CNTLN: variants seen among roughly 807,000 people sequenced by gnomAD.
CNTLN encodes centlein.
Under a neutral mutation model 180.0 loss-of-function variants are expected in CNTLN, and 212 were observed. The ratio of observed to expected loss-of-function variants is 1.18; its 90% confidence interval spans 1.05 to 1.32. The LOEUF is 1.32. CNTLN is among the 40% of genes most tolerant of loss of function. The pLI is 0.00. For synonymous variants in CNTLN, 722 were observed against 563.1 expected (o/e 1.28, Z -3.99); for missense variants, 2,095 against 1,610.9 (o/e 1.30, Z -5.14).
intron 23 of CNTLN, among the ~76,000 whole-genome samples, chr9:17,480,103 A>G (rs893358568): frequency 1.3e-5 from 2 of 152,120 alleles, no homozygotes; most frequent in African/African-American, 2.4e-5. Flanking sequence ...AGACAGGATG[A>G]TCACTTGAGC....
intron 25 of CNTLN, among the ~76,000 whole-genome samples, chr9:17,494,217 A>G (rs1470843071): frequency 1.3e-5 from 2 of 152,216 alleles, no homozygotes; most frequent in Non-Finnish European, 2.9e-5. Flanking sequence ...TCTGTTTGCT[A>G]GATTTGCTAC....
At chr9:17,494,318 C>T (rs1158572010) in intron 25 of CNTLN, among the ~76,000 whole-genome samples, 2 of 152,156 alleles carry the variant, frequency 1.3e-5, no homozygotes, top group Non-Finnish European at 2.9e-5. Context: ...TGACAGACCA[C>T]ACTATACAAT....
At chr9:17,320,095 T>A (rs1819803812) in intron 8 of CNTLN, among the ~76,000 whole-genome samples, 1 of 152,230 alleles carries the variant, frequency 6.6e-6, no homozygotes, top group African/African-American at 2.4e-5. Flanking sequence ...TTTACTATAT[T>A]TATCTGTGAA....
chr9:17,269,065 C>T (rs1408230267), intron 5 of CNTLN, among the ~76,000 whole-genome samples: 14 of 152,122 alleles, frequency 9.2e-5, no homozygotes, highest in Admixed American at 5.2e-4. Context: ...CTGCCTGGCA[C>T]TCCCTAGTGA....
intron 8 of CNTLN, among the ~76,000 whole-genome samples, chr9:17,318,788 C>G (rs1197211039): frequency 6.6e-6 from 1 of 152,124 alleles, no homozygotes; most frequent in Non-Finnish European, 1.5e-5. Flanking sequence ...TGTCAATACT[C>G]TCTTTTTAGT....
chr9:17,397,067 C>T (rs991068270), intron 15 of CNTLN, among the ~76,000 whole-genome samples: 7 of 152,120 alleles, frequency 4.6e-5, no homozygotes, highest in African/African-American at 1.7e-4. Context: ...CTTGGTACTA[C>T]CACACTATTC....
At chr9:17,142,517 T>G (rs1361818688) in intron 1 of CNTLN, among the ~76,000 whole-genome samples, 1 of 152,132 alleles carries the variant, frequency 6.6e-6, no homozygotes, top group African/African-American at 2.4e-5. Context: ...TTATTGAATA[T>G]GCAGTTGGAG....
chr9:17,485,111 G>A (rs567227034), intron 24 of CNTLN, among the ~76,000 whole-genome samples: 1 of 152,184 alleles, frequency 6.6e-6, no homozygotes, highest in African/African-American at 2.4e-5. Flanking sequence ...CTCATACCAC[G>A]CAGTCTTTTG....
intron 18 of CNTLN, among the ~76,000 whole-genome samples, chr9:17,436,081 A>C (rs1419715546): frequency 3.3e-5 from 5 of 152,194 alleles, no homozygotes; most frequent in Non-Finnish European, 7.3e-5. Flanking sequence ...ACCTTTTTAC[A>C]TTATAAACAA....
At chr9:17,240,914 A>C (rs1351339472) in intron 5 of CNTLN, among the ~76,000 whole-genome samples, 1 of 152,082 alleles carries the variant, frequency 6.6e-6, no homozygotes, top group Non-Finnish European at 1.5e-5. Flanking sequence ...GCTGGAGTGC[A>C]GTGGCAAGAT....
intron 2 of CNTLN, among the ~76,000 whole-genome samples, chr9:17,191,978 C>G (rs749022263): frequency 6.6e-6 from 1 of 152,072 alleles, no homozygotes; most frequent in Non-Finnish European, 1.5e-5. Context: ...CTGAACTGTA[C>G]TAAGCTGTTT....
At chr9:17,379,890 C>G (rs1333273589) in intron 13 of CNTLN, among the ~76,000 whole-genome samples, 1 of 152,134 alleles carries the variant, frequency 6.6e-6, no homozygotes, top group Non-Finnish European at 1.5e-5. Flanking sequence ...ATACCTTAAG[C>G]CCCTACCATG....
intron 8 of CNTLN, among the ~76,000 whole-genome samples, chr9:17,314,584 A>G (rs554209869): frequency 2.0e-5 from 3 of 152,264 alleles, no homozygotes; most frequent in East Asian, 1.9e-4. Flanking sequence ...TTTCCCCTCA[A>G]TTTGTAGCTG....
chr9:17,178,123 C>T (rs1820847373), intron 2 of CNTLN, among the ~76,000 whole-genome samples: 1 of 151,406 alleles, frequency 6.6e-6, no homozygotes, highest in South Asian at 2.1e-4. Flanking sequence ...GGTGTATTTA[C>T]AATATCTTAG....
chr9:17,303,577 T>C (rs560758496), intron 7 of CNTLN, among the ~76,000 whole-genome samples: 1 of 152,232 alleles, frequency 6.6e-6, no homozygotes, highest in Admixed American at 6.5e-5. Context: ...AAAAATGTAG[T>C]AGTTGTGTAG....
At chr9:17,240,607 AT>A (rs1015320384) in intron 5 of CNTLN, among the ~76,000 whole-genome samples, 5 of 151,414 alleles carry the variant, frequency 3.3e-5, no homozygotes, top group African/African-American at 4.8e-5. Context: ...AGATAATTAG[AT>A]TTTTTTTTCA....
At chr9:17,435,890 T>G (rs1207283865) in intron 18 of CNTLN, among the ~76,000 whole-genome samples, 1 of 152,100 alleles carries the variant, frequency 6.6e-6, no homozygotes, top group South Asian at 2.1e-4. Flanking sequence ...ACGGGCACAC[T>G]TCCCATCTGA....
At chr9:17,522,809 C>T in the CNTLN span, among the ~76,000 whole-genome samples, 1 of 152,116 alleles carries the variant, frequency 6.6e-6, no homozygotes, top group Admixed American at 6.5e-5. Context: ...TCCAACGCTG[C>T]CCCCTGCCCA....
chr9:17,341,960 A>G (rs1179278889), intron 11 of CNTLN, among the ~76,000 whole-genome samples: 3 of 152,158 alleles, frequency 2.0e-5, no homozygotes, highest in African/African-American at 7.2e-5. Flanking sequence ...TACCACATTC[A>G]TCTTGGTTAG....
Sources: allele counts gnomAD v4.1 joint callset (sites outside exome capture counted in the v4.1 genomes callset), GRCh38; gene constraint gnomAD v4.1.1; transcripts MANE v1.5; gene names NCBI Gene and HGNC (gene_info 2026-07-23, HGNC 2026-07-21).